Variants in ATXN1 observed in about 807,000 individuals in gnomAD.
The protein encoded by ATXN1 is ataxin-1.
In ATXN1, 8 loss-of-function variants were observed where a neutral mutation model predicts 56.4. That is an observed-to-expected ratio of 0.14 (90% CI 0.08 to 0.26). The LOEUF (loss-of-function observed/expected upper bound fraction) is 0.26, where lower values mean the gene tolerates loss of function less well. ATXN1 is among the 10% of genes least tolerant of loss of function. The pLI is 1.00. For missense variants in ATXN1, 987 were observed against 1,106.5 expected, an observed-to-expected ratio of 0.89 and a Z score of 1.53; for synonymous variants, 514 against 494.6, an observed-to-expected ratio of 1.04 and a Z score of -0.52.
intron 6 of ATXN1, among the ~76,000 whole-genome samples, chr6:16,377,596 G>A (rs1762169065): frequency 6.6e-6 from 1 of 152,100 alleles, no homozygotes; most frequent in Non-Finnish European, 1.5e-5. Context: ...CAGCTCACTG[G>A]GATTAGTGCT....
chr6:16,486,491 G>A (rs973001135), intron 5 of ATXN1, among the ~76,000 whole-genome samples: 1 of 152,164 alleles, frequency 6.6e-6, no homozygotes, highest in Non-Finnish European at 1.5e-5. Flanking sequence ...TTCTTGCAAA[G>A]CACACACAGT....
At chr6:16,551,620 G>A (rs1012631266) in intron 4 of ATXN1, among the ~76,000 whole-genome samples, 5 of 152,136 alleles carry the variant, frequency 3.3e-5, no homozygotes, top group Non-Finnish European at 5.9e-5. Context: ...GAAGATTTCC[G>A]AGCAGGGGAA....
At chr6:16,455,831 G>A (rs1341333364) in intron 6 of ATXN1, among the ~76,000 whole-genome samples, 2 of 152,152 alleles carry the variant, frequency 1.3e-5, no homozygotes, top group African/African-American at 2.4e-5. Flanking sequence ...GAACTTTCCT[G>A]TCTTATAAGA....
chr6:16,355,600 C>A (rs1002600349), intron 6 of ATXN1, among the ~76,000 whole-genome samples: 3 of 151,604 alleles, frequency 2.0e-5, no homozygotes, highest in African/African-American at 7.3e-5. Flanking sequence ...CTCGCTCTGT[C>A]GCCCAGGCCG....
chr6:16,750,254 T>C (rs988903315), intron 2 of ATXN1, among the ~76,000 whole-genome samples: 3 of 152,228 alleles, frequency 2.0e-5, no homozygotes, highest in Non-Finnish European at 2.9e-5. Flanking sequence ...GTAGCTCTTA[T>C]TCACTTCCAT....
intron 4 of ATXN1, among the ~76,000 whole-genome samples, chr6:16,567,259 C>T (rs577411253): frequency 6.6e-6 from 1 of 152,100 alleles, no homozygotes; most frequent in Non-Finnish European, 1.5e-5. Flanking sequence ...ACAGTTTTGA[C>T]AGTAGAGAAA....
intron 2 of ATXN1, among the ~76,000 whole-genome samples, chr6:16,719,443 G>A (rs559066591): frequency 3.1e-4 from 47 of 152,114 alleles, no homozygotes; most frequent in Admixed American, 6.6e-4. Flanking sequence ...AATTAAAAAC[G>A]AATGTAGATT....
chr6:16,673,712 C>T (rs578194262), intron 2 of ATXN1, among the ~76,000 whole-genome samples: 9 of 152,056 alleles, frequency 5.9e-5, no homozygotes, highest in South Asian at 4.2e-4. Context: ...AGTGTAGTGA[C>T]GCCATCACAG....
At chr6:16,531,945 G>A (rs1304695384) in intron 4 of ATXN1, among the ~76,000 whole-genome samples, 1 of 152,168 alleles carries the variant, frequency 6.6e-6, no homozygotes, top group East Asian at 1.9e-4. Flanking sequence ...ACCTAGAACA[G>A]CCAAAGGTTG....
At chr6:16,636,905 AAACTAGTTC>A (rs1268976668) in intron 3 of ATXN1, among the ~76,000 whole-genome samples, 1 of 152,216 alleles carries the variant, frequency 6.6e-6, no homozygotes, top group Non-Finnish European at 1.5e-5. Flanking sequence ...GTGGGCCTGC[AAACTAGTTC>A]AACCATTGTG....
intron 6 of ATXN1, among the ~76,000 whole-genome samples, chr6:16,462,018 A>C (rs1268014208): frequency 6.6e-6 from 1 of 152,224 alleles, no homozygotes; most frequent in Non-Finnish European, 1.5e-5. Context: ...GAAACGGCCA[A>C]GTTGGTCAAA....
At chr6:16,499,696 C>T (rs1263383639) in intron 5 of ATXN1, among the ~76,000 whole-genome samples, 1 of 152,148 alleles carries the variant, frequency 6.6e-6, no homozygotes, top group East Asian at 1.9e-4. Context: ...ACTTAATAAA[C>T]TAATTCATGC....
intron 4 of ATXN1, among the ~76,000 whole-genome samples, chr6:16,529,395 C>T (rs1761458749): frequency 6.6e-6 from 1 of 152,044 alleles, no homozygotes; most frequent in South Asian, 2.1e-4. Context: ...GTCAGTCTAA[C>T]AATTACTTTG....
chr6:16,705,312 G>T (rs1366938215), intron 2 of ATXN1, among the ~76,000 whole-genome samples: 1 of 152,174 alleles, frequency 6.6e-6, no homozygotes, highest in Non-Finnish European at 1.5e-5. Flanking sequence ...TCTGTGAGGT[G>T]ACTCAACAGT....
intron 6 of ATXN1, among the ~76,000 whole-genome samples, chr6:16,357,476 G>A (rs1761716454): frequency 6.6e-6 from 1 of 151,970 alleles, no homozygotes; most frequent in Admixed American, 6.6e-5. Context: ...CACCATGTTG[G>A]TCAGGCTGGT....
chr6:16,469,674 T>C (rs554836852), intron 6 of ATXN1, among the ~76,000 whole-genome samples: 1 of 151,762 alleles, frequency 6.6e-6, no homozygotes, highest in South Asian at 2.1e-4. Context: ...TGAAAGAGAG[T>C]TGGTGAAGAC....
intron 6 of ATXN1, among the ~76,000 whole-genome samples, chr6:16,475,910 C>T (rs1760317211): frequency 6.7e-6 from 1 of 150,234 alleles, no homozygotes; most frequent in Admixed American, 6.7e-5. Context: ...CACTCTGTTA[C>T]CCAGACTGGA....
At chr6:16,660,177 C>T (rs1310401653) in intron 2 of ATXN1, among the ~76,000 whole-genome samples, 3 of 152,174 alleles carry the variant, frequency 2.0e-5, no homozygotes, top group African/African-American at 4.8e-5. Context: ...TTTATCAATA[C>T]CGTTAATAAT....
intron 2 of ATXN1, among the ~76,000 whole-genome samples, chr6:16,694,236 CTTCTTTTTTTTTT>C (rs1335885695): frequency 3.4e-5 from 5 of 147,194 alleles, no homozygotes; most frequent in African/African-American, 1.2e-4. Context: ...AGTTTTGTCA[CTTCTTTTTTTTTT>C]TTCTTTTTTT....
Sources: gnomAD v4.1 joint callset for allele counts (sites outside exome capture counted in the v4.1 genomes callset) on GRCh38, gnomAD v4.1.1 for gene constraint, MANE v1.5 for transcripts, NCBI Gene and HGNC (gene_info 2026-07-23, HGNC 2026-07-21) for gene names.